Variants in PBX4 observed in about 807,000 individuals in gnomAD.
PBX4 encodes the protein pre-B-cell leukemia transcription factor 4.
Under a neutral mutation model 35.1 loss-of-function variants are expected in PBX4, and 26 were observed. The observed-to-expected ratio is 0.74, with a 90% CI of 0.54 to 1.03. PBX4 has a LOEUF of 1.03. PBX4 is among the 50% of genes least tolerant of loss of function. The pLI is 0.00. For synonymous variants in PBX4, 199 were observed against 204.2 expected (o/e 0.97, Z 0.22); for missense variants, 448 against 504.3 (o/e 0.89, Z 1.07).
Position 19,605,064 on chromosome 19 carries a change from T to C in PBX4, c.120-5699A>G, listed in dbSNP as rs994736916. Among the ~76,000 whole-genome samples the C allele has an allele frequency of 5.9e-5, 9 of 151,892 alleles. No homozygotes were observed. In the South Asian group the frequency reaches 1.7e-3, roughly 28 times the overall value. ...TAACTTTTTCTCTTTAAAAAAAATA[T>C]ATTTTAATATAAAAATAGAAGAAAC... On this transcript the variant is annotated intron_variant, in intron 1 of 7. Transcript: ENST00000251203.
At chr19:19,565,901 T>C (rs548280220) in intron 5 of PBX4, among the ~76,000 whole-genome samples, 9 of 151,976 alleles carry the variant, frequency 5.9e-5, no homozygotes, top group Non-Finnish European at 7.4e-5. Context: ...GGCAACAGAG[T>C]GAGACCCTGT....
At chr19:19,581,679 T>G (rs2061454947) in intron 2 of PBX4, among the ~76,000 whole-genome samples, 1 of 152,098 alleles carries the variant, frequency 6.6e-6, no homozygotes, top group Non-Finnish European at 1.5e-5. Context: ...AGCGACCTAC[T>G]CACTTTGGGA....
intron 2 of PBX4, among the ~76,000 whole-genome samples, chr19:19,578,433 T>A (rs2061434059): frequency 6.6e-6 from 1 of 152,140 alleles, no homozygotes; most frequent in Non-Finnish European, 1.5e-5. Flanking sequence ...TTACCATCAA[T>A]TACAGCAAGC....
intron 1 of PBX4, among the ~76,000 whole-genome samples, chr19:19,605,109 C>T (rs1599378589): frequency 6.8e-6 from 1 of 148,136 alleles, no homozygotes; most frequent in East Asian, 1.9e-4. Context: ...ATGGTGAAAC[C>T]CCAGCTCTAT....
chr19:19,603,537 G>A (rs2061610267), intron 1 of PBX4, among the ~76,000 whole-genome samples: 1 of 152,122 alleles, frequency 6.6e-6, no homozygotes, highest in Admixed American at 6.6e-5. Flanking sequence ...CTCCCAAAGT[G>A]CCAGGCTTAT....
Position 19,613,553 on chromosome 19 carries a change from C to T in PBX4, c.119+4958G>A, listed in dbSNP as rs867177466. Among the ~76,000 whole-genome samples, 9 of 151,892 alleles carry T rather than the reference C, an allele frequency of 5.9e-5. 1 individual carries two copies. The Middle Eastern group carries it at 0.021, about 347-fold the overall frequency. ...TCAGGAGATTGCTGCAAGGAAAATG[C>T]AGCAGCCCTGGGGCTGTGCTGGGCC... On this transcript the variant is annotated intron_variant, in intron 1 of 7. Coordinates refer to ENST00000251203, the MANE Select transcript of PBX4 (RefSeq NM_025245.3).
chr19:19,592,240 G>A (rs1274957288), intron 2 of PBX4, among the ~76,000 whole-genome samples: 1 of 152,200 alleles, frequency 6.6e-6, no homozygotes, highest in Admixed American at 6.5e-5. Flanking sequence ...TAGTCCCAGG[G>A]TCTCAGCAAA....
At chr19:19,605,279 G>C (rs926218759) in intron 1 of PBX4, among the ~76,000 whole-genome samples, 1 of 151,246 alleles carries the variant, frequency 6.6e-6, no homozygotes, top group African/African-American at 2.4e-5. Context: ...AGCTGGGCAT[G>C]GTGGCGCGCA....
chr19:19,607,414 C>G (rs1252872384), intron 1 of PBX4, among the ~76,000 whole-genome samples: 1 of 152,040 alleles, frequency 6.6e-6, no homozygotes, highest in African/African-American at 2.4e-5. Context: ...AAAGGAAGAA[C>G]AGTAAATCTT....
intron 5 of PBX4, among the ~76,000 whole-genome samples, chr19:19,565,439 G>A (rs1450788865): frequency 6.6e-6 from 1 of 152,168 alleles, no homozygotes; most frequent in Non-Finnish European, 1.5e-5. Context: ...CAGGCGGCAG[G>A]TTACGTTCCG....
At chr19:19,570,502 G>A (rs2061375332) in intron 3 of PBX4, 84 bp downstream of exon 3, 10 of 1,563,326 alleles carry the variant, frequency 6.4e-6, no homozygotes, top group South Asian at 2.4e-5. Flanking sequence ...TCTGCGCCAC[G>A]AAAGAAAGGT....
intron 2 of PBX4, among the ~76,000 whole-genome samples, chr19:19,591,997 A>C (rs1335472989): frequency 2.0e-5 from 3 of 152,044 alleles, no homozygotes; most frequent in Non-Finnish European, 4.4e-5. Context: ...TGTAGCTAGG[A>C]TTATAGGCAC....
In PBX4 at chr19:19,564,878, C is replaced by T. The variant is rs1403417312; in HGVS notation, c.925+55G>A. ...CCCACTGTGGCCTCCCCAGATGCAG[C>T]TCAGTGGCCGTCCACATGGGTACAG... On this transcript the variant is annotated intron_variant, in intron 6 of 7. Transcript: ENST00000251203. 5 of 1,608,856 alleles carry T rather than the reference C, an allele frequency of 3.1e-6. No homozygotes were observed. In the African/African-American group the frequency reaches 6.7e-5, roughly 21 times the overall value.
intron 2 of PBX4, among the ~76,000 whole-genome samples, chr19:19,575,520 C>T (rs2061414542): frequency 6.6e-6 from 1 of 152,148 alleles, no homozygotes; most frequent in African/African-American, 2.4e-5. Flanking sequence ...TCTGTAGTCC[C>T]TCTGTTTTCA....
chr19:19,618,257 C>G (rs2061698456), intron 1 of PBX4, among the ~76,000 whole-genome samples: 1 of 152,160 alleles, frequency 6.6e-6, no homozygotes, highest in South Asian at 2.1e-4. Flanking sequence ...TTTCTCAGCC[C>G]TACTCCCTAA....
intron 2 of PBX4, among the ~76,000 whole-genome samples, chr19:19,595,906 A>G (rs2061557751): frequency 6.6e-6 from 1 of 152,154 alleles, no homozygotes; most frequent in Admixed American, 6.6e-5. Flanking sequence ...AGAGAGAAAA[A>G]TAGTGGGAAC....
intron 1 of PBX4, among the ~76,000 whole-genome samples, chr19:19,613,193 T>C (rs2144795753): frequency 6.6e-6 from 1 of 150,378 alleles, no homozygotes; most frequent in Admixed American, 6.6e-5. Flanking sequence ...TGGCAGGGCG[T>C]GGTGGTTTAT....
rs374888017 is a variant in PBX4 at position 19,574,874 on chromosome 19, G to A, written c.194-4041C>T. ...CAACGTTTGTATTTTTAGTAGAGAC[G>A]GGGTTTCACCATGTTGAACAGGCTG... On this transcript the variant is annotated intron_variant, in intron 2 of 7. Transcript: ENST00000251203. 7.9e-4 allele frequency among the ~76,000 whole-genome samples: 120 copies of A among 151,924 alleles called. No homozygotes were observed. The South Asian group carries it at 0.016, about 21-fold the overall frequency.
chr19:19,612,002 C>T (rs1322634573), intron 1 of PBX4, among the ~76,000 whole-genome samples: 1 of 152,110 alleles, frequency 6.6e-6, no homozygotes, highest in Non-Finnish European at 1.5e-5. Context: ...GGCACAGTGG[C>T]TCATGCCTGT....
Sources: allele counts gnomAD v4.1 joint callset (sites outside exome capture counted in the v4.1 genomes callset), GRCh38; gene constraint gnomAD v4.1.1; transcripts MANE v1.5; gene names NCBI Gene and HGNC (gene_info 2026-07-23, HGNC 2026-07-21).